The following CMSS1 variants were observed in gnomAD, a reference collection of about 807,000 sequenced individuals.
The protein encoded by CMSS1 is cms1 ribosomal small subunit homolog, also known as protein CMSS1.
Under a neutral mutation model 43.5 loss-of-function variants are expected in CMSS1, and 33 were observed. The observed-to-expected ratio is 0.76, with a 90% CI of 0.57 to 1.01. CMSS1 has a LOEUF of 1.01. Among genes scored for constraint, CMSS1 ranks in the 50% least tolerant of loss-of-function variants. The probability of loss-of-function intolerance (pLI) is 0.00; values close to 1 mark genes in which losing one functional copy is unlikely to be tolerated. For missense variants in CMSS1, 313 were observed against 326.4 expected (o/e 0.96, Z 0.32); for synonymous variants, 115 against 117.2 (o/e 0.98, Z 0.12).
intron 1 of CMSS1, among the ~76,000 whole-genome samples, chr3:100,136,294 CAAAT>C (rs2066752324): frequency 6.6e-6 from 1 of 151,854 alleles, no homozygotes; most frequent in South Asian, 2.1e-4. Context: ...GAAAAAAAAA[CAAAT>C]AAAACTGGAC....
intron 1 of CMSS1, among the ~76,000 whole-genome samples, chr3:99,880,054 G>A (rs1003764923): frequency 1.3e-5 from 2 of 152,134 alleles, no homozygotes; most frequent in Non-Finnish European, 2.9e-5. Flanking sequence ...CCATGGATCC[G>A]ATCCTGTGCT....
intron 1 of CMSS1, among the ~76,000 whole-genome samples, chr3:99,931,189 A>T (rs1340596070): frequency 1.3e-5 from 2 of 152,160 alleles, no homozygotes; most frequent in Non-Finnish European, 2.9e-5. Flanking sequence ...TAGCAGATTC[A>T]TAAATCACAG....
intron 1 of CMSS1, among the ~76,000 whole-genome samples, chr3:99,934,396 T>C (rs138192336): frequency 1.4e-4 from 21 of 152,362 alleles, no homozygotes; most frequent in African/African-American, 4.8e-4. Flanking sequence ...TTTACTTCTT[T>C]TCATTTCCTG....
intron 1 of CMSS1, among the ~76,000 whole-genome samples, chr3:100,076,206 G>A (rs1294635437): frequency 6.6e-6 from 1 of 152,038 alleles, no homozygotes; most frequent in Non-Finnish European, 1.5e-5. Context: ...ACCTCTTTTT[G>A]TCACTGCTCA....
chr3:99,895,834 G>C (rs1407016926), intron 1 of CMSS1, among the ~76,000 whole-genome samples: 1 of 152,160 alleles, frequency 6.6e-6, no homozygotes. Flanking sequence ...TAAAAGACTG[G>C]TTAAATGTTG....
chr3:100,036,143 G>A (rs1167556345), intron 1 of CMSS1, among the ~76,000 whole-genome samples: 1 of 152,110 alleles, frequency 6.6e-6, no homozygotes, highest in Non-Finnish European at 1.5e-5. Context: ...CTTTTAGGAA[G>A]GTCTTCTAAG....
intron 1 of CMSS1, among the ~76,000 whole-genome samples, chr3:99,983,484 A>ATG (rs1559713764): frequency 2.7e-4 from 7 of 25,498 alleles, no homozygotes; most frequent in South Asian, 2.4e-3. Flanking sequence ...ATATATATAT[A>ATG]TATATATATA....
chr3:100,031,373 C>T (rs1262436720), intron 1 of CMSS1, among the ~76,000 whole-genome samples: 2 of 152,022 alleles, frequency 1.3e-5, no homozygotes, highest in Non-Finnish European at 2.9e-5. Flanking sequence ...CTGTTACCCT[C>T]GTTTCCACTC....
At chr3:99,960,186 A>G (rs900131286) in intron 1 of CMSS1, among the ~76,000 whole-genome samples, 1 of 152,144 alleles carries the variant, frequency 6.6e-6, no homozygotes, top group Non-Finnish European at 1.5e-5. Context: ...TCTCTCCAAG[A>G]TGTTTGACAT....
At chr3:100,110,498 A>G (rs771565640) in intron 1 of CMSS1, among the ~76,000 whole-genome samples, 12 of 152,308 alleles carry the variant, frequency 7.9e-5, no homozygotes, top group South Asian at 4.1e-4. Context: ...TCAAGCCACA[A>G]ATAGAGAAAA....
chr3:99,948,720 G>C (rs1708088118), intron 1 of CMSS1, among the ~76,000 whole-genome samples: 1 of 149,788 alleles, frequency 6.7e-6, no homozygotes, highest in Non-Finnish European at 1.5e-5. Context: ...GGAAGGGAAA[G>C]GGAAGTGGAA....
At chr3:99,953,901 C>T (rs376869680) in intron 1 of CMSS1, among the ~76,000 whole-genome samples, 1 of 152,356 alleles carries the variant, frequency 6.6e-6, no homozygotes, top group Middle Eastern at 3.4e-3. Context: ...AGGCATACCT[C>T]CCACACTGAC....
chr3:100,109,492 G>C (rs1298284100), intron 1 of CMSS1, among the ~76,000 whole-genome samples: 3 of 152,100 alleles, frequency 2.0e-5, no homozygotes, highest in Non-Finnish European at 2.9e-5. Context: ...CCTCCCCTCA[G>C]CGTCAGCTGT....
chr3:100,108,157 G>T (rs1002912396), intron 1 of CMSS1, among the ~76,000 whole-genome samples: 3 of 152,066 alleles, frequency 2.0e-5, no homozygotes, highest in African/African-American at 4.8e-5. Context: ...GACATTTCTA[G>T]CCCATGGCTT....
intron 1 of CMSS1, among the ~76,000 whole-genome samples, chr3:99,995,527 C>A (rs1709652927): frequency 6.6e-6 from 1 of 152,184 alleles, no homozygotes; most frequent in African/African-American, 2.4e-5. Context: ...CTTCTCACAG[C>A]TCCACTAGGC....
At chr3:99,947,029 C>T (rs1472766890) in intron 1 of CMSS1, among the ~76,000 whole-genome samples, 4 of 147,936 alleles carry the variant, frequency 2.7e-5, no homozygotes, top group African/African-American at 1.0e-4. Flanking sequence ...CCCAGATACT[C>T]GGGAGGCTGA....
At chr3:100,162,065 G>A (rs529876933) in intron 3 of CMSS1, among the ~76,000 whole-genome samples, 2 of 152,216 alleles carry the variant, frequency 1.3e-5, no homozygotes, top group East Asian at 3.9e-4. Flanking sequence ...AGTTATCTTG[G>A]AAGTCATAGA....
At chr3:99,833,028 G>A in intron 1 of CMSS1, 2 of 563,036 alleles carry the variant, frequency 3.6e-6, no homozygotes, top group South Asian at 4.8e-5. Flanking sequence ...AGAAATACAT[G>A]CATATGGCTC....
At chr3:99,848,770 A>G in intron 1 of CMSS1, 1 of 1,614,128 alleles carries the variant, frequency 6.2e-7, no homozygotes, top group East Asian at 2.2e-5. Context: ...GCCTTGTTCT[A>G]AATTCATGAG....
Sources: gnomAD v4.1 joint callset for allele counts (sites outside exome capture counted in the v4.1 genomes callset) on GRCh38, gnomAD v4.1.1 for gene constraint, MANE v1.5 for transcripts, NCBI Gene and HGNC (gene_info 2026-07-23, HGNC 2026-07-21) for gene names.